Variants in GRK7 observed in about 807,000 individuals in gnomAD.
GRK7 encodes the protein G protein-coupled receptor kinase 7, also known as rhodopsin kinase GRK7.
Under a neutral mutation model 34.1 loss-of-function variants are expected in GRK7, and 24 were observed. That is an observed-to-expected ratio of 0.70 (90% CI 0.51 to 0.99). GRK7 has a LOEUF of 0.99. GRK7 is among the 50% of genes least tolerant of loss of function. The pLI, the probability that GRK7 is intolerant of heterozygous loss-of-function variation, is 0.00. For synonymous variants in GRK7, 256 were observed against 279.4 expected, an observed-to-expected ratio of 0.92 and a Z score of 0.84; for missense variants, 644 against 707.3, an observed-to-expected ratio of 0.91 and a Z score of 1.02.
At chr3:141,752,013 T>G in the GRK7 span, among the ~76,000 whole-genome samples, 1 of 152,244 alleles carries the variant, frequency 6.6e-6, no homozygotes, top group Non-Finnish European at 1.5e-5. Flanking sequence ...ATGTTGAACA[T>G]GTGCCTTACT....
At position 141,781,536 on chromosome 3, in the gene GRK7, C is replaced by CAA. The variant is rs35546502; in HGVS notation, c.1050+736_1050+737dup. On this transcript the variant is annotated intron_variant, in intron 4 of 5. Transcript: ENST00000682958. ...TGCTCGACAGAGCAAGACTCTGTCTCAAAAAAAAAAAAGAAAGAAAGAAAA... is the reference window on the plus strand; with the variant it reads ...TGCTCGACAGAGCAAGACTCTGTCTCAAAAAAAAAAAAAAGAAAGAAAGAAAA... 3.5e-4 allele frequency among the ~76,000 whole-genome samples: 30 copies of CAA among 86,604 alleles called. 1 individual carries two copies. The highest frequency in any genetic ancestry group is 5.7e-4 in the Non-Finnish European group (25 of 44,074). The allele number at this position is 86,604 out of a possible 152,430, so 56.8% of individuals were successfully genotyped here.
At chr3:141,800,257 A>G (rs1710943342) in intron 4 of GRK7, among the ~76,000 whole-genome samples, 1 of 151,900 alleles carries the variant, frequency 6.6e-6, no homozygotes, top group Non-Finnish European at 1.5e-5. Context: ...CAGGTGGGGT[A>G]TGGAGATATC....
chr3:141,770,362 A>G (rs1042930307), intron 1 of GRK7, among the ~76,000 whole-genome samples: 2 of 152,208 alleles, frequency 1.3e-5, no homozygotes, highest in Admixed American at 1.3e-4. Flanking sequence ...CCTAATCTAA[A>G]CTATGACTGT....
At chr3:141,781,054 G>T (rs184289815) in intron 4 of GRK7, among the ~76,000 whole-genome samples, 156 of 152,256 alleles carry the variant, frequency 1.0e-3, no homozygotes, top group Non-Finnish European at 1.6e-3. Context: ...GTGAGTTGGG[G>T]ATGGCCTGTG....
At chr3:141,800,816 A>G (rs1234330591) in intron 4 of GRK7, among the ~76,000 whole-genome samples, 1 of 152,174 alleles carries the variant, frequency 6.6e-6, no homozygotes, top group Non-Finnish European at 1.5e-5. Flanking sequence ...GCACAAGGGA[A>G]CTTTCTGGAC....
chr3:141,802,800 A>G (rs1710984045), intron 4 of GRK7, among the ~76,000 whole-genome samples: 1 of 152,046 alleles, frequency 6.6e-6, no homozygotes, highest in Non-Finnish European at 1.5e-5. Context: ...GAAACGGGAG[A>G]TGGGAAGGAC....
intron 4 of GRK7, among the ~76,000 whole-genome samples, chr3:141,789,876 G>A (rs773707910): frequency 3.3e-5 from 5 of 152,136 alleles, no homozygotes; most frequent in Non-Finnish European, 5.9e-5. Flanking sequence ...TACAGGTAGG[G>A]AAATTGAGAC....
intron 4 of GRK7, among the ~76,000 whole-genome samples, chr3:141,805,881 C>T (rs902127964): frequency 2.0e-5 from 3 of 152,180 alleles, no homozygotes; most frequent in Admixed American, 2.0e-4. Flanking sequence ...ACTACAGCCT[C>T]GAACTCCTTG....
At chr3:141,804,735 A>G (rs576862751) in intron 4 of GRK7, among the ~76,000 whole-genome samples, 59 of 151,914 alleles carry the variant, frequency 3.9e-4, no homozygotes, top group Non-Finnish European at 6.5e-4. Context: ...ACTCACCCTC[A>G]CATACACATA....
chr3:141,809,986 T>G (rs1711076473), intron 5 of GRK7, among the ~76,000 whole-genome samples: 1 of 152,178 alleles, frequency 6.6e-6, no homozygotes, highest in African/African-American at 2.4e-5. Flanking sequence ...TGGTCAAATA[T>G]TATTGAGATA....
At chr3:141,790,564 CTTT>C (rs10540138) in intron 4 of GRK7, among the ~76,000 whole-genome samples, 1,684 of 141,226 alleles carry the variant, frequency 0.012, 30 homozygotes, top group African/African-American at 0.041. Context: ...TCTACATGCA[CTTT>C]TTTTTTTTTT....
chr3:141,789,674 A>G (rs1008523056), intron 4 of GRK7, among the ~76,000 whole-genome samples: 1 of 151,892 alleles, frequency 6.6e-6, no homozygotes, highest in African/African-American at 2.4e-5. Flanking sequence ...AAAAAAACAC[A>G]AAACAGTGGA....
At position 141,816,874 on chromosome 3, in the gene GRK7, G is replaced by A. The variant is rs767186128; in HGVS notation, c.1486G>A (p.Glu496Lys). 1.2e-6 allele frequency: 2 copies of A among 1,614,110 alleles called. No individual in the cohort carries two copies. The highest frequency in any genetic ancestry group is 2.2e-5 in the South Asian group (2 of 91,082). Residue 496 changes from glutamate (E) to lysine (K), a missense_variant, in exon 6 of 6, where the codon GAA (glutamate) becomes AAA (lysine). Transcript: ENST00000682958. ...IDDFSEVRGV[E>K]FDDKDKQFFK... ...TGATTTCTCTGAGGTTCGGGGGGTG[G>A]AATTTGATGACAAAGATAAGCAGTT...
At chr3:141,813,424 G>A (rs1294693957) in intron 5 of GRK7, among the ~76,000 whole-genome samples, 1 of 152,192 alleles carries the variant, frequency 6.6e-6, no homozygotes, top group African/African-American at 2.4e-5. Flanking sequence ...ATGGTGCCCG[G>A]CCTAAAAATC....
chr3:141,756,148 C>T, the GRK7 span, among the ~76,000 whole-genome samples: 2 of 151,994 alleles, frequency 1.3e-5, no homozygotes, highest in African/African-American at 4.8e-5. Context: ...CTCGTCTGTA[C>T]TAAAAATACA....
intron 4 of GRK7, among the ~76,000 whole-genome samples, chr3:141,787,020 A>G (rs1337345638): frequency 6.6e-6 from 1 of 152,146 alleles, no homozygotes; most frequent in East Asian, 1.9e-4. Flanking sequence ...CCAGCAAGGA[A>G]ACAGGGGCCT....
intron 4 of GRK7, 144 bp from the exon 5 acceptor site, chr3:141,807,501 C>T: frequency 1.4e-6 from 1 of 736,796 alleles, no homozygotes; most frequent in South Asian, 1.9e-5. Flanking sequence ...AGGTTAGACA[C>T]ATTGCCACCC....
upstream of GRK7, among the ~76,000 whole-genome samples, chr3:141,760,686 C>T (rs924613549): frequency 3.3e-5 from 5 of 150,242 alleles, no homozygotes; most frequent in African/African-American, 9.8e-5. Context: ...CTTTCTGTCT[C>T]GTTGATCTGT....
intron 1 of GRK7, among the ~76,000 whole-genome samples, chr3:141,768,493 T>C (rs2084600691): frequency 6.6e-6 from 1 of 152,156 alleles, no homozygotes; most frequent in Admixed American, 6.5e-5. Context: ...TTGGCCGGGC[T>C]GGTCTCGAAC....
Sources: allele counts gnomAD v4.1 joint callset (sites outside exome capture counted in the v4.1 genomes callset), GRCh38; gene constraint gnomAD v4.1.1; transcripts MANE v1.5; gene names NCBI Gene and HGNC (gene_info 2026-07-23, HGNC 2026-07-21).